The following SGCZ variants were observed in gnomAD, a reference collection of about 807,000 sequenced individuals.
The protein encoded by SGCZ is sarcoglycan zeta, also known as zeta-sarcoglycan.
Under a neutral mutation model 41.3 loss-of-function variants are expected in SGCZ, and 40 were observed. The ratio of observed to expected loss-of-function variants is 0.97; its 90% CI spans 0.75 to 1.26. The LOEUF (loss-of-function observed/expected upper bound fraction) is 1.26. SGCZ is among the 50% of genes most tolerant of loss of function. The pLI, the probability that SGCZ is intolerant of heterozygous loss-of-function variation, is 0.00. For missense variants in SGCZ, 552 were observed against 369.8 expected, an observed-to-expected ratio of 1.49 and a Z score of -4.04; for synonymous variants, 206 against 137.5, an observed-to-expected ratio of 1.50 and a Z score of -3.49.
At chr8:15,055,707 C>A (rs1563472496) in intron 1 of SGCZ, among the ~76,000 whole-genome samples, 1 of 152,194 alleles carries the variant, frequency 6.6e-6, no homozygotes, top group African/African-American at 2.4e-5. Context: ...ACCAGGGAGA[C>A]CTTGAGAAGC....
intron 1 of SGCZ, among the ~76,000 whole-genome samples, chr8:14,820,300 A>G (rs530192885): frequency 6.6e-6 from 1 of 152,092 alleles, no homozygotes; most frequent in African/African-American, 2.4e-5. Context: ...GATCAATTCA[A>G]TAAGAGTATA....
At chr8:14,909,891 A>T (rs1799232961) in intron 1 of SGCZ, among the ~76,000 whole-genome samples, 1 of 152,120 alleles carries the variant, frequency 6.6e-6, no homozygotes, top group African/African-American at 2.4e-5. Flanking sequence ...GTGGAAACTC[A>T]TATTTTGCAC....
At chr8:14,271,430 T>A (rs535570226) in intron 3 of SGCZ, among the ~76,000 whole-genome samples, 4 of 152,304 alleles carry the variant, frequency 2.6e-5, no homozygotes, top group African/African-American at 9.6e-5. Context: ...TGTAGATAGT[T>A]TCATACCCAG....
At chr8:15,142,672 C>G (rs1798923226) in intron 1 of SGCZ, among the ~76,000 whole-genome samples, 1 of 151,770 alleles carries the variant, frequency 6.6e-6, no homozygotes, top group Non-Finnish European at 1.5e-5. Context: ...GCCCCCACCC[C>G]CCAATCTCAT....
chr8:14,912,792 T>G (rs1799315202), intron 1 of SGCZ, among the ~76,000 whole-genome samples: 1 of 152,076 alleles, frequency 6.6e-6, no homozygotes, highest in Non-Finnish European at 1.5e-5. Flanking sequence ...AATGAAACTT[T>G]GAGTTAAACA....
chr8:14,116,200 GA>G (rs965006526), intron 5 of SGCZ, among the ~76,000 whole-genome samples: 59 of 152,076 alleles, frequency 3.9e-4, no homozygotes, highest in African/African-American at 1.3e-3. Flanking sequence ...TTTTTACTCT[GA>G]AAAACAAAAT....
chr8:14,680,782 G>C (rs1486815917), intron 1 of SGCZ, among the ~76,000 whole-genome samples: 2 of 146,598 alleles, frequency 1.4e-5, no homozygotes, highest in Non-Finnish European at 3.0e-5. Flanking sequence ...GGTGAGGAGA[G>C]ATACAGACTG....
intron 2 of SGCZ, among the ~76,000 whole-genome samples, chr8:14,513,545 C>A (rs1422462869): frequency 1.0e-5 from 1 of 96,770 alleles, no homozygotes; most frequent in Non-Finnish European, 2.2e-5. Context: ...TAAAACAACT[C>A]TAGATCTGAG....
intron 1 of SGCZ, among the ~76,000 whole-genome samples, chr8:14,848,845 T>C (rs1269599167): frequency 6.6e-6 from 1 of 152,114 alleles, no homozygotes; most frequent in African/African-American, 2.4e-5. Flanking sequence ...ATAAAATGGA[T>C]ATCAGAAAAA....
At chr8:14,696,180 T>G (rs560640852) in intron 1 of SGCZ, among the ~76,000 whole-genome samples, 158 of 152,250 alleles carry the variant, frequency 1.0e-3, no homozygotes, top group African/African-American at 3.8e-3. Flanking sequence ...TTATATCACG[T>G]TCTCAAAAGT....
chr8:14,932,892 G>C (rs1467752565), intron 1 of SGCZ, among the ~76,000 whole-genome samples: 2 of 151,964 alleles, frequency 1.3e-5, no homozygotes, highest in African/African-American at 2.4e-5. Flanking sequence ...TGGTAAGTAA[G>C]CACTAAATCT....
At chr8:14,585,963 C>T (rs1416038943) in intron 1 of SGCZ, among the ~76,000 whole-genome samples, 3 of 152,028 alleles carry the variant, frequency 2.0e-5, no homozygotes, top group African/African-American at 4.8e-5. Flanking sequence ...AAGAAAGTCA[C>T]CTGGTGGCAT....
intron 1 of SGCZ, among the ~76,000 whole-genome samples, chr8:14,972,282 T>G (rs1801324081): frequency 6.6e-6 from 1 of 152,054 alleles, no homozygotes; most frequent in Non-Finnish European, 1.5e-5. Context: ...CCTCTGTCAT[T>G]TCTGGTACTG....
intron 1 of SGCZ, among the ~76,000 whole-genome samples, chr8:14,675,384 C>G (rs1808242242): frequency 6.6e-6 from 1 of 151,974 alleles, no homozygotes; most frequent in African/African-American, 2.4e-5. Flanking sequence ...TTTATTGTTT[C>G]AGAAAGGTCC....
At chr8:14,425,879 A>G (rs1252952556) in intron 2 of SGCZ, among the ~76,000 whole-genome samples, 1 of 152,152 alleles carries the variant, frequency 6.6e-6, no homozygotes, top group Non-Finnish European at 1.5e-5. Context: ...ATTACTAATA[A>G]TGATCATTTA....
intron 1 of SGCZ, among the ~76,000 whole-genome samples, chr8:14,613,677 AT>A (rs1450502302): frequency 6.6e-6 from 1 of 152,230 alleles, no homozygotes. Flanking sequence ...TACTGTTAAA[AT>A]AATTGCATCA....
intron 1 of SGCZ, among the ~76,000 whole-genome samples, chr8:14,775,260 G>A (rs1482542453): frequency 3.3e-5 from 5 of 152,060 alleles, no homozygotes; most frequent in Non-Finnish European, 4.4e-5. Context: ...GGTCTAGAGT[G>A]TAGAGCCCAG....
At chr8:15,061,542 A>AAC (rs397963830) in intron 1 of SGCZ, among the ~76,000 whole-genome samples, 1 of 151,156 alleles carries the variant, frequency 6.6e-6, no homozygotes, top group Non-Finnish European at 1.5e-5. Flanking sequence ...AAAAAAAAAA[A>AAC]CAGGAAAAAA....
intron 1 of SGCZ, among the ~76,000 whole-genome samples, chr8:14,563,227 A>G (rs528159314): frequency 1.3e-5 from 2 of 152,178 alleles, no homozygotes; most frequent in Non-Finnish European, 2.9e-5. Flanking sequence ...ACCTGCAAGT[A>G]AAAGTACAGT....
Sources: allele counts gnomAD v4.1 joint callset (sites outside exome capture counted in the v4.1 genomes callset), GRCh38; gene constraint gnomAD v4.1.1; transcripts MANE v1.5; gene names NCBI Gene and HGNC (gene_info 2026-07-23, HGNC 2026-07-21).